DLGAP2: variants seen among roughly 807,000 people sequenced by gnomAD.
DLGAP2 encodes the protein disks large-associated protein 2.
A neutral mutation model predicts 100.3 loss-of-function variants in DLGAP2; 26 were observed. The observed-to-expected ratio is 0.26, with a 90% CI of 0.19 to 0.36. The LOEUF is 0.36. Ranked by LOEUF, DLGAP2 falls within the 10% of genes least tolerant of loss-of-function variation. The pLI is 1.00. For missense variants in DLGAP2, 1,858 were observed against 1,453.2 expected, an observed-to-expected ratio of 1.28 and a Z score of -4.53; for synonymous variants, 886 against 630.1, an observed-to-expected ratio of 1.41 and a Z score of -6.08.
In DLGAP2 at chr8:1,024,271, C is replaced by T. The variant is rs1205340167; in HGVS notation, c.73+116305C>T. 1.5e-5 allele frequency among the ~76,000 whole-genome samples: 2 copies of T among 136,524 alleles called. 1 individual carries two copies. The highest frequency in any genetic ancestry group is 3.2e-5 in the Non-Finnish European group (2 of 63,082). The allele number at this position is 136,524 out of a possible 152,430, so 89.6% of individuals were successfully genotyped here. On this transcript the variant is annotated intron_variant, in intron 2 of 14. Coordinates refer to ENST00000637795, the MANE Select transcript of DLGAP2 (RefSeq NM_001346810.2). The stretch of plus-strand genomic sequence containing the variant: ...CGTGCCGAGGCAGACACCCCAGCCA[C>T]CACCCACCCTCCCTGGGGGTGGACA...
chr8:913,880 G>A (rs1056094379), intron 2 of DLGAP2, among the ~76,000 whole-genome samples: 2 of 152,220 alleles, frequency 1.3e-5, no homozygotes, highest in Non-Finnish European at 2.9e-5. Flanking sequence ...CGTGGGAGCC[G>A]AAAGATGGGG....
chr8:1,443,099 G>A (rs551596777), intron 3 of DLGAP2, among the ~76,000 whole-genome samples: 1 of 152,214 alleles, frequency 6.6e-6, no homozygotes, highest in East Asian at 1.9e-4. Context: ...GCAAATACAT[G>A]GAAAGTATGT....
chr8:1,479,887 C>A (rs918619734), intron 3 of DLGAP2, among the ~76,000 whole-genome samples: 1 of 152,268 alleles, frequency 6.6e-6, no homozygotes, highest in Non-Finnish European at 1.5e-5. Context: ...ATTATTTACC[C>A]CGGTGGGATT....
At chr8:1,227,874 T>C (rs1411331525) in intron 2 of DLGAP2, among the ~76,000 whole-genome samples, 1 of 152,212 alleles carries the variant, frequency 6.6e-6, no homozygotes, top group Non-Finnish European at 1.5e-5. Flanking sequence ...TTTGGAATTA[T>C]TTATTGCTAA....
chr8:1,140,547 C>T (rs1158077689), intron 2 of DLGAP2, among the ~76,000 whole-genome samples: 5 of 152,294 alleles, frequency 3.3e-5, no homozygotes, highest in Admixed American at 2.0e-4. Context: ...CTCACTCAGC[C>T]GGGCTGGGAG....
chr8:1,629,581 C>T (rs557485841), intron 7 of DLGAP2, among the ~76,000 whole-genome samples: 8 of 152,344 alleles, frequency 5.3e-5, no homozygotes, highest in Middle Eastern at 3.4e-3. Flanking sequence ...GTCAGTGATA[C>T]ATTTTAACAA....
At chr8:1,408,802 C>G (rs1337419286) in intron 3 of DLGAP2, among the ~76,000 whole-genome samples, 1 of 152,052 alleles carries the variant, frequency 6.6e-6, no homozygotes, top group Non-Finnish European at 1.5e-5. Flanking sequence ...TCGTCTGTCA[C>G]TTTCACTGCG....
intron 2 of DLGAP2, among the ~76,000 whole-genome samples, chr8:1,051,296 C>T (rs1008229149): frequency 6.6e-6 from 1 of 152,104 alleles, no homozygotes; most frequent in Non-Finnish European, 1.5e-5. Flanking sequence ...TTTTCAGCAG[C>T]ACTCACCTGG....
intron 2 of DLGAP2, among the ~76,000 whole-genome samples, chr8:1,133,252 C>G (rs186729906): frequency 6.6e-6 from 1 of 152,184 alleles, no homozygotes; most frequent in South Asian, 2.1e-4. Flanking sequence ...TTTTCCTTTA[C>G]TTCCATGCCT....
intron 2 of DLGAP2, among the ~76,000 whole-genome samples, chr8:948,406 G>T (rs1292215557): frequency 6.6e-6 from 1 of 152,184 alleles, no homozygotes; most frequent in Non-Finnish European, 1.5e-5. Context: ...GGAGGAGTGG[G>T]CGAAGCGGGC....
chr8:932,303 C>T (rs1798977712), intron 2 of DLGAP2, among the ~76,000 whole-genome samples: 2 of 152,298 alleles, frequency 1.3e-5, no homozygotes, highest in Admixed American at 1.3e-4. Flanking sequence ...TTTGGATTTT[C>T]ACACACTGTG....
At chr8:826,979 A>G (rs1471522099) in intron 1 of DLGAP2, among the ~76,000 whole-genome samples, 1 of 152,168 alleles carries the variant, frequency 6.6e-6, no homozygotes, top group African/African-American at 2.4e-5. Flanking sequence ...GGCTTACCCC[A>G]TATCCATGGA....
chr8:1,143,940 A>G (rs1014726255), intron 2 of DLGAP2, among the ~76,000 whole-genome samples: 6 of 152,210 alleles, frequency 3.9e-5, no homozygotes, highest in African/African-American at 1.4e-4. Context: ...TGTTATTTGA[A>G]TGGCATAACA....
chr8:1,164,222 G>GTTTTC (rs1157427350), intron 2 of DLGAP2, among the ~76,000 whole-genome samples: 2 of 140,512 alleles, frequency 1.4e-5, no homozygotes, highest in Non-Finnish European at 1.5e-5. Context: ...CCGTCATTTT[G>GTTTTC]GTTTGTGGGG....
intron 2 of DLGAP2, among the ~76,000 whole-genome samples, chr8:912,873 C>A (rs1201343919): frequency 6.6e-6 from 1 of 151,932 alleles, no homozygotes; most frequent in Admixed American, 6.5e-5. Context: ...TGCCCGCCTT[C>A]CTCTCTGTGG....
intron 1 of DLGAP2, among the ~76,000 whole-genome samples, chr8:752,646 C>G (rs1001152648): frequency 6.6e-6 from 1 of 152,200 alleles, no homozygotes; most frequent in East Asian, 1.9e-4. Context: ...AAGATGAAGG[C>G]TTAAATTCCC....
chr8:1,641,965 TC>T (rs1797917904), intron 8 of DLGAP2, among the ~76,000 whole-genome samples: 1 of 85,986 alleles, frequency 1.2e-5, no homozygotes. Context: ...TGTGTCACCC[TC>T]GACCCCGCCG....
rs562331573 is a variant in DLGAP2 at position 797,006 on chromosome 8, A to G, written c.18+59181A>G. Among the ~76,000 whole-genome samples, 4 of 152,382 alleles carry G rather than the reference A, an allele frequency of 2.6e-5. No homozygotes were observed. In the South Asian group the frequency reaches 8.3e-4, roughly 32 times the overall value. Reference sequence around the variant, plus strand: ...ACTTTTAACCCTGTTTGCAGATAGTATCTTGTACTTAAAATGTATTTCCAT... The same window carrying G: ...ACTTTTAACCCTGTTTGCAGATAGTGTCTTGTACTTAAAATGTATTTCCAT... On this transcript the variant is annotated intron_variant, in intron 1 of 14. Coordinates refer to ENST00000637795, the MANE Select transcript of DLGAP2 (RefSeq NM_001346810.2).
intron 1 of DLGAP2, among the ~76,000 whole-genome samples, chr8:891,894 G>A (rs1487672654): frequency 6.6e-6 from 1 of 152,204 alleles, no homozygotes; most frequent in Non-Finnish European, 1.5e-5. Flanking sequence ...GGGAAGCCGG[G>A]CTAGTGACTG....
Sources: gnomAD v4.1 joint callset for allele counts (sites outside exome capture counted in the v4.1 genomes callset) on GRCh38, gnomAD v4.1.1 for gene constraint, MANE v1.5 for transcripts, NCBI Gene and HGNC (gene_info 2026-07-23, HGNC 2026-07-21) for gene names.